PCDHGA5: variants seen among roughly 807,000 people sequenced by gnomAD.
The protein encoded by PCDHGA5 is protocadherin gamma-A5.
Under a neutral mutation model 56.7 loss-of-function variants are expected in PCDHGA5, and 36 were observed. That is an observed-to-expected ratio of 0.64 (90% CI 0.49 to 0.84). The LOEUF (loss-of-function observed/expected upper bound fraction) is 0.84. Ranked by LOEUF, PCDHGA5 falls within the 40% of genes least tolerant of loss-of-function variation. The pLI, the probability that PCDHGA5 is intolerant of heterozygous loss-of-function variation, is 0.00. For synonymous variants in PCDHGA5, 563 were observed against 520.2 expected, an observed-to-expected ratio of 1.08 and a Z score of -1.12; for missense variants, 1,305 against 1,201.5, an observed-to-expected ratio of 1.09 and a Z score of -1.27.
intron 1 of PCDHGA5, chr5:141,388,544 A>C (rs755878131): frequency 5.6e-6 from 9 of 1,613,654 alleles, no homozygotes; most frequent in Non-Finnish European, 6.8e-6. Flanking sequence ...TTGGAGCTCC[A>C]CCCCTAAGCA....
chr5:141,373,373 C>T (rs1171696467), intron 1 of PCDHGA5, among the ~76,000 whole-genome samples: 1 of 152,142 alleles, frequency 6.6e-6, no homozygotes, highest in East Asian at 1.9e-4. Flanking sequence ...TGAATTGGTT[C>T]AAAATGTGTT....
rs750564390 is a variant in PCDHGA5, at chr5:141,494,823, C to T, written c.2438C>T (p.Thr813Met). Residue 813 changes from threonine to methionine, a missense_variant, in exon 2 of 4, where the codon ACG becomes ATG. Physicochemically the swap from Thr to Met is moderately conservative, Grantham distance 81. Coordinates refer to ENST00000518069, the MANE Select transcript of PCDHGA5 (RefSeq NM_018918.3). Reference sequence around the variant, plus strand: ...TCTCCACAGCAAGCCCCGCCCAACACGGACTGGCGTTTCTCTCAGGCCCAG... The same window carrying T: ...TCTCCACAGCAAGCCCCGCCCAACATGGACTGGCGTTTCTCTCAGGCCCAG... ...ERRVQQAPPN[T>M]DWRFSQAQRP... 7 of 1,614,014 alleles carry T rather than the reference C, an allele frequency of 4.3e-6. No individual in the cohort carries two copies. The East Asian group carries it at 8.9e-5, about 21-fold the overall frequency.
intron 1 of PCDHGA5, among the ~76,000 whole-genome samples, chr5:141,482,053 C>G (rs2099551080): frequency 6.6e-6 from 1 of 150,558 alleles, no homozygotes; most frequent in Non-Finnish European, 1.5e-5. Flanking sequence ...CTGTTGCATT[C>G]CAGCCTGGGC....
At chr5:141,475,657 C>T (rs2099366732) in intron 1 of PCDHGA5, among the ~76,000 whole-genome samples, 1 of 152,204 alleles carries the variant, frequency 6.6e-6, no homozygotes, top group Non-Finnish European at 1.5e-5. Flanking sequence ...GAAAGTGATT[C>T]AAATGTTTAA....
chr5:141,410,318 G>C, intron 1 of PCDHGA5: 6 of 1,613,982 alleles, frequency 3.7e-6, no homozygotes, highest in Non-Finnish European at 5.1e-6. Context: ...CTTCCTCCTC[G>C]CCGTGATTCT....
intron 1 of PCDHGA5, among the ~76,000 whole-genome samples, chr5:141,450,315 G>A (rs1319432573): frequency 1.3e-5 from 2 of 151,918 alleles, no homozygotes; most frequent in African/African-American, 4.8e-5. Context: ...GTGTGGCCTA[G>A]TTGCCATGTC....
intron 1 of PCDHGA5, among the ~76,000 whole-genome samples, chr5:141,481,184 C>A (rs2099533291): frequency 6.6e-6 from 1 of 152,146 alleles, no homozygotes; most frequent in African/African-American, 2.4e-5. Flanking sequence ...CTTTATTGGG[C>A]CAGGCCCAAT....
Position 141,487,933 on chromosome 5 carries a change from A to G in PCDHGA5, c.2422-6874A>G. ...CACAGGAGGCTACAGTGCACAGGGT[A>G]CAGTGCACCAGGCAGTCACTTGGAC... is the stretch of plus-strand genomic sequence containing the variant. On this transcript the variant is annotated intron_variant, in intron 1 of 3. Coordinates refer to ENST00000518069, the MANE Select transcript of PCDHGA5 (RefSeq NM_018918.3). This position sits in a 1 kb window ranked among gnomAD's most constrained non-coding sequence, Gnocchi z 5.0. 1 of 612,006 alleles carries G rather than the reference A, an allele frequency of 1.6e-6. No homozygotes were observed. Among genetic ancestry groups the G allele is most frequent in the South Asian group, 2.0e-5 (1 of 49,074 alleles). The allele number at this position is 612,006 out of a possible 1,614,324, so 37.9% of individuals were successfully genotyped here. A position where few individuals can be genotyped will look rare whatever the true frequency, so the allele number is the denominator to read the frequency against.
At chr5:141,389,871 G>A (rs199638280) in intron 1 of PCDHGA5, 73 of 1,613,938 alleles carry the variant, frequency 4.5e-5, no homozygotes, top group Non-Finnish European at 5.8e-5. Flanking sequence ...CCTGGTCTTC[G>A]CCGACAGCTT....
Position 141,376,056 on chromosome 5 carries a change from T to C in PCDHGA5, c.2421+9305T>C, listed in dbSNP as rs768295127. 1.1e-5 allele frequency: 18 copies of C among 1,613,354 alleles called. No individual in the cohort carries two copies. In the South Asian group the frequency reaches 1.9e-4, roughly 17 times the overall value. ...GGCCAGCCCCCTCTCTCCGCCACTG[T>C]CACGCTCACCGTGGCCGTGGCCGAC... On this transcript the variant is annotated intron_variant, in intron 1 of 3. Coordinates refer to ENST00000518069, the MANE Select transcript of PCDHGA5 (RefSeq NM_018918.3).
At chr5:141,400,008 C>A (rs1395195387) in intron 1 of PCDHGA5, 1 of 1,612,692 alleles carries the variant, frequency 6.2e-7, no homozygotes, top group South Asian at 1.1e-5. Flanking sequence ...CAGCGCGTGC[C>A]TTGGGCGACA....
intron 1 of PCDHGA5, chr5:141,370,358 T>A (rs772671669): frequency 4.8e-5 from 73 of 1,513,438 alleles, no homozygotes; most frequent in Non-Finnish European, 6.2e-5. Context: ...AGATCTCCTC[T>A]CCTCGGATTT....
rs761492460 is a variant in PCDHGA5, at chr5:141,389,630, T to C, written c.2421+22879T>C. The C allele has an allele frequency of 9.9e-6, 16 of 1,612,872 alleles. No homozygotes were observed. The Admixed American group carries it at 1.8e-4, about 18-fold the overall frequency. ...ATATGGTGCCGCACGCTGCAGAGCC[T>C]GGCTACTTGGTGACCAAGGTAGTGG... On this transcript the variant is annotated intron_variant, in intron 1 of 3. Coordinates refer to ENST00000518069, the MANE Select transcript of PCDHGA5 (RefSeq NM_018918.3).
chr5:141,473,894 T>C (rs1224416966), intron 1 of PCDHGA5, among the ~76,000 whole-genome samples: 1 of 152,134 alleles, frequency 6.6e-6, no homozygotes, highest in Non-Finnish European at 1.5e-5. Context: ...GTTCTGTTGG[T>C]TCATGAAGAG....
intron 1 of PCDHGA5, chr5:141,387,632 C>T (rs1345144425): frequency 3.4e-6 from 2 of 586,890 alleles, no homozygotes; most frequent in Non-Finnish European, 5.9e-6. Context: ...ACTCTGGGCG[C>T]CGCTGTTGGC....
chr5:141,444,001 C>G (rs2098413288), intron 1 of PCDHGA5, among the ~76,000 whole-genome samples: 1 of 151,914 alleles, frequency 6.6e-6, no homozygotes, highest in Non-Finnish European at 1.5e-5. Flanking sequence ...TTAAATGCTA[C>G]CTGGGTATTG....
intron 1 of PCDHGA5, among the ~76,000 whole-genome samples, chr5:141,430,040 T>C (rs1449876504): frequency 1.3e-5 from 2 of 152,232 alleles, no homozygotes; most frequent in African/African-American, 2.4e-5. Flanking sequence ...ATTCTGATAA[T>C]GTATACAATC....
chr5:141,364,501 G>A lies in PCDHGA5; in HGVS notation c.171G>A (p.Gln57=). 1 of 1,614,044 alleles carries A rather than the reference G, an allele frequency of 6.2e-7. No individual in the cohort carries two copies. Among genetic ancestry groups the A allele is most frequent in the Non-Finnish European group, 8.5e-7 (1 of 1,179,900 alleles). ...NIAKDLGLEP[Q]ELAERGVRIV... ...CCAAGGACCTTGGGCTGGAGCCCCA[G>A]GAGCTGGCGGAGCGCGGAGTCCGCA... The change falls in exon 1 of 4, where the codon CAG becomes CAA. Residue 57 remains glutamine (Q), a synonymous_variant. Transcript: ENST00000518069.
chr5:141,422,499 A>G lies in PCDHGA5; in HGVS notation c.2421+55748A>G. 3 of 1,614,036 alleles carry G rather than the reference A, an allele frequency of 1.9e-6. No homozygotes were observed. The South Asian group carries it at 3.3e-5, about 18-fold the overall frequency. On this transcript the variant is annotated intron_variant, in intron 1 of 3. Coordinates refer to ENST00000518069, the MANE Select transcript of PCDHGA5 (RefSeq NM_018918.3). ...TCCAGAGCTACAATATAACGTTGAC[A>G]GCCACAGACCAGGGAAGCCCGCCTT...
Sources: allele counts gnomAD v4.1 joint callset (sites outside exome capture counted in the v4.1 genomes callset), GRCh38; gene constraint gnomAD v4.1.1; non-coding constraint Gnocchi (gnomAD v3.1); transcripts MANE v1.5; gene names NCBI Gene and HGNC (gene_info 2026-07-23, HGNC 2026-07-21).